SLC12A9: variants seen among roughly 807,000 people sequenced by gnomAD.
SLC12A9 encodes the protein CCC-interacting protein 1.
Under a neutral mutation model 66.0 loss-of-function variants are expected in SLC12A9, and 55 were observed. That is an observed-to-expected ratio of 0.83 (90% CI 0.67 to 1.04). The LOEUF (loss-of-function observed/expected upper bound fraction) is 1.04, where lower values mean the gene tolerates loss of function less well. SLC12A9 is among the 50% of genes least tolerant of loss of function. SLC12A9 has a pLI of 0.00. For synonymous variants in SLC12A9, 577 were observed against 569.0 expected (o/e 1.01, Z -0.20); for missense variants, 1,061 against 1,241.9 (o/e 0.85, Z 2.19).
At chr7:100,827,182 C>T in intron 1 of SLC12A9, 1 of 666,228 alleles carries the variant, frequency 1.5e-6, no homozygotes, top group Non-Finnish European at 2.1e-6. Context: ...TGCGGGGCAC[C>T]GGGCGGCGGC....
chr7:100,859,297 A>G (rs1226117940), intron 7 of SLC12A9, 136 bp downstream of exon 7: 1 of 778,494 alleles, frequency 1.3e-6, no homozygotes, highest in South Asian at 1.6e-5. Context: ...GCGATTGACA[A>G]CCTATAGCCA....
chr7:100,843,053 C>T (rs1021353483), intron 1 of SLC12A9, among the ~76,000 whole-genome samples: 2 of 152,262 alleles, frequency 1.3e-5, no homozygotes, highest in African/African-American at 4.8e-5. Context: ...TTTTCAAGAG[C>T]TTATTAATCA....
intron 1 of SLC12A9, among the ~76,000 whole-genome samples, chr7:100,829,792 G>C (rs1230701643): frequency 1.3e-5 from 2 of 152,188 alleles, no homozygotes; most frequent in Admixed American, 6.5e-5. Flanking sequence ...ATTTTGGGAG[G>C]CCGAGGCGGG....
chr7:100,848,899 G>GAAAGAAAGA (rs1046569893), upstream of SLC12A9, among the ~76,000 whole-genome samples: 1 of 129,162 alleles, frequency 7.7e-6, no homozygotes, highest in Admixed American at 7.6e-5. Context: ...AAAAAGGAAA[G>GAAAGAAAGA]AAAGAAAGAA....
Position 100,856,971 on chromosome 7 carries a change from G to T in SLC12A9, c.552G>T (p.Leu184=), listed in dbSNP as rs1187529593. 6.2e-7 allele frequency: 1 copy of T among 1,613,886 alleles called. No individual in the cohort carries two copies. Among genetic ancestry groups the T allele is most frequent in the East Asian group, 2.2e-5 (1 of 44,868 alleles). ...LLGLVGGVCT[L]GAGLYARASF... The stretch of plus-strand genomic sequence containing the variant: ...GCCTTGTGGGTGGGGTCTGCACCCT[G>T]GGAGCCGGCCTCTATGCCCGGGCCT... Residue 184 remains leucine (L), a synonymous_variant, in exon 5 of 14, where the codon CTG becomes CTT. Transcript: ENST00000354161.
At position 100,854,151 on chromosome 7, in the gene SLC12A9, T is replaced by G. The variant is rs758695706; in HGVS notation, c.-42-5T>G. 2.7e-6 allele frequency: 4 copies of G among 1,500,754 alleles called. No homozygotes were observed. The highest frequency in any genetic ancestry group is 3.5e-6 in the Non-Finnish European group (4 of 1,131,210). 93.0% of individuals were successfully genotyped at this position (1,500,754 alleles called of 1,614,324 possible). A position where few individuals can be genotyped will look rare whatever the true frequency, so the allele number is the denominator to read the frequency against. ...GCTTTTGATGCAACATAATCTCCTT[T>G]GCAGGTCACCTAACCCATTTGTGGC... is the stretch of plus-strand genomic sequence containing the variant. On this transcript the variant is annotated splice_region_variant and splice_polypyrimidine_tract_variant and intron_variant, in intron 1 of 13. Transcript: ENST00000354161.
chr7:100,849,878 C>T (rs922260794), upstream of SLC12A9, among the ~76,000 whole-genome samples: 1 of 145,044 alleles, frequency 6.9e-6, no homozygotes, highest in Non-Finnish European at 1.5e-5. Flanking sequence ...CTTCCCTTCC[C>T]TTTTTTTTTT....
At chr7:100,853,728 A>T (rs1373784569) in intron 1 of SLC12A9, among the ~76,000 whole-genome samples, 13 of 130,072 alleles carry the variant, frequency 1.0e-4, no homozygotes, top group South Asian at 2.4e-4. Flanking sequence ...CGCTTGGCTA[A>T]TTTTTTTTTT....
upstream of SLC12A9, among the ~76,000 whole-genome samples, chr7:100,848,808 C>T (rs1813984670): frequency 6.6e-6 from 1 of 151,904 alleles, no homozygotes; most frequent in South Asian, 2.1e-4. Context: ...ATCGCTTCAA[C>T]CTGGGAGGCA....
upstream of SLC12A9, among the ~76,000 whole-genome samples, chr7:100,850,813 G>A (rs1452064551): frequency 2.7e-5 from 4 of 150,866 alleles, no homozygotes; most frequent in South Asian, 2.1e-4. Context: ...TCCGCCTCCC[G>A]TGTTCAAGCT....
chr7:100,858,654 T>A (rs193259275), intron 5 of SLC12A9, 181 bp from the exon 6 acceptor site: 164 of 592,304 alleles, frequency 2.8e-4, no homozygotes, highest in African/African-American at 2.8e-3. Context: ...ATCGGAGCAC[T>A]GGGGGGACGT....
At chr7:100,834,560 G>A (rs747792917) in intron 1 of SLC12A9, among the ~76,000 whole-genome samples, 1 of 152,062 alleles carries the variant, frequency 6.6e-6, no homozygotes, top group Non-Finnish European at 1.5e-5. Flanking sequence ...GGGGGGGATG[G>A]TGCACGCATG....
chr7:100,839,704 T>C (rs531566361), intron 1 of SLC12A9, among the ~76,000 whole-genome samples: 314 of 152,296 alleles, frequency 2.1e-3, no homozygotes, highest in African/African-American at 7.1e-3. Flanking sequence ...GAACGGGCAC[T>C]TAGAGTCTGG....
intron 1 of SLC12A9, among the ~76,000 whole-genome samples, chr7:100,839,620 A>T (rs1813739646): frequency 6.6e-6 from 1 of 152,240 alleles, no homozygotes. Context: ...CATTTGCCCC[A>T]GGAGGACGCT....
In SLC12A9 at chr7:100,864,051, C is replaced by T. The variant is rs960128644; in HGVS notation, c.1858+1224C>T. Among the ~76,000 whole-genome samples the T allele has an allele frequency of 2.1e-4, 32 of 149,500 alleles. 1 individual carries two copies. Among genetic ancestry groups the T allele is most frequent in the Admixed American group, 2.0e-3 (30 of 14,972 alleles). The stretch of plus-strand genomic sequence containing the variant: ...ATTTTTCCTGTGGAAGATATCAGGT[C>T]GGTGCAAAAGCAATTGCGGTTTTTG... On this transcript the variant is annotated intron_variant, in intron 13 of 13. Coordinates refer to ENST00000354161, the MANE Select transcript of SLC12A9 (RefSeq NM_020246.4).
At chr7:100,837,670 C>G (rs965661658) in intron 1 of SLC12A9, 1 of 152,164 alleles carries the variant, frequency 6.6e-6, no homozygotes, top group Non-Finnish European at 1.5e-5. Context: ...AACTTCCTTT[C>G]TTTTTTTGAG....
chr7:100,852,043 C>T (rs1238835429), upstream of SLC12A9, among the ~76,000 whole-genome samples: 2 of 152,174 alleles, frequency 1.3e-5, no homozygotes, highest in Non-Finnish European at 2.9e-5. Flanking sequence ...GGTGGTACTG[C>T]TGTTCATGGG....
chr7:100,866,160 G>A lies in SLC12A9; in HGVS notation c.2300G>A (p.Arg767Gln), dbSNP rs756083425. 1.1e-5 allele frequency: 18 copies of A among 1,612,624 alleles called. No homozygotes were observed. Among genetic ancestry groups the A allele is most frequent in the East Asian group, 6.7e-5 (3 of 44,874 alleles). ...MVPAWHSARL[R>Q]IFLCLGPREA... ...CCCGCTTGGCATAGCGCCCGGCTCC[G>A]GATCTTCCTGTGCCTGGGGCCTCGG... Residue 767 changes from arginine (R) to glutamine (Q), a missense_variant, in exon 14 of 14, where the codon CGG becomes CAG. Coordinates refer to ENST00000354161, the MANE Select transcript of SLC12A9 (RefSeq NM_020246.4). The surrounding 1 kb of genome is among the most constrained non-coding windows in gnomAD (Gnocchi z 7.3).
chr7:100,838,221 A>T (rs1813708619), intron 1 of SLC12A9, among the ~76,000 whole-genome samples: 1 of 152,122 alleles, frequency 6.6e-6, no homozygotes, highest in South Asian at 2.1e-4. Flanking sequence ...GGCTGGTCTC[A>T]CACTCCTGGG....
Sources: gnomAD v4.1 joint callset for allele counts (sites outside exome capture counted in the v4.1 genomes callset) on GRCh38, gnomAD v4.1.1 for gene constraint, Gnocchi (gnomAD v3.1) non-coding constraint, MANE v1.5 for transcripts, NCBI Gene and HGNC (gene_info 2026-07-23, HGNC 2026-07-21) for gene names.